FGGY: variants seen among roughly 807,000 people sequenced by gnomAD.
FGGY encodes the protein FGGY carbohydrate kinase domain containing.
A neutral mutation model predicts 71.3 loss-of-function variants in FGGY; 72 were observed. The ratio of observed to expected loss-of-function variants is 1.01; its 90% CI spans 0.84 to 1.23. FGGY has a LOEUF of 1.23. Among genes scored for constraint, FGGY ranks in the 50% most tolerant of loss-of-function variants. The pLI is 0.00. For missense variants in FGGY, 668 were observed against 682.3 expected (o/e 0.98, Z 0.23); for synonymous variants, 251 against 250.3 (o/e 1.00, Z -0.02).
intron 6 of FGGY, among the ~76,000 whole-genome samples, chr1:59,503,294 G>A (rs1363493384): frequency 2.0e-5 from 3 of 152,158 alleles, no homozygotes; most frequent in South Asian, 4.1e-4. Context: ...GAAGAGCAGT[G>A]ACTAAAAGCT....
At chr1:59,667,458 A>G (rs979156670) in intron 13 of FGGY, 55 bp downstream of exon 13, 3 of 1,600,276 alleles carry the variant, frequency 1.9e-6, no homozygotes, top group African/African-American at 1.3e-5. Context: ...GCAAATGGGC[A>G]TGGCCAAGTT....
intron 6 of FGGY, among the ~76,000 whole-genome samples, chr1:59,507,921 C>T (rs1313892599): frequency 6.6e-6 from 1 of 152,130 alleles, no homozygotes; most frequent in Non-Finnish European, 1.5e-5. Context: ...GCCTGAAGCC[C>T]TCCGCTGCCT....
In FGGY at chr1:59,762,641, T is replaced by C. The variant is rs1574138697; in HGVS notation, c.*57T>C. On this transcript the variant is annotated 3_prime_UTR_variant, in exon 16 of 16. Coordinates refer to ENST00000303721, the MANE Select transcript of FGGY (RefSeq NM_018291.5). ...TCTGTGCCATTGCATTAAAGACTTGTCATTTGATCCATGTTCAAGACCCTT... is the reference window on the plus strand; with the variant it reads ...TCTGTGCCATTGCATTAAAGACTTGCCATTTGATCCATGTTCAAGACCCTT... 10 of 1,306,368 alleles carry C rather than the reference T, an allele frequency of 7.7e-6. No homozygotes were observed. The East Asian group carries it at 2.4e-4, about 31-fold the overall frequency. The allele number at this position is 1,306,368 out of a possible 1,614,324, so 80.9% of individuals were successfully genotyped here.
In FGGY at chr1:59,669,540, C is replaced by CTTTTTTTTTTTTTTTTTTTTTTTT. The variant is rs58004594; in HGVS notation, c.1417+2139_1417+2162dup. Among the ~76,000 whole-genome samples, 7 of 102,498 alleles carry CTTTTTTTTTTTTTTTTTTTTTTTT rather than the reference C, an allele frequency of 6.8e-5. 1 individual carries two copies. The highest frequency in any genetic ancestry group is 1.1e-4 in the African/African-American group (3 of 26,288). The allele number at this position is 102,498 out of a possible 152,430, so 67.2% of individuals were successfully genotyped here. Reference sequence around the variant, plus strand: ...CTGTGACATTCCAATTTCTAGACTTCTTTTTTTTTTTTTTTTTTTTTTTTT... The same window carrying CTTTTTTTTTTTTTTTTTTTTTTTT: ...CTGTGACATTCCAATTTCTAGACTTCTTTTTTTTTTTTTTTTTTTTTTTTTTTTTTTTTTTTTTTTTTTTTTTTT... On this transcript the variant is annotated intron_variant, in intron 13 of 15. Coordinates refer to ENST00000303721, the MANE Select transcript of FGGY (RefSeq NM_018291.5).
At chr1:59,551,006 G>C (rs1379872110) in intron 7 of FGGY, among the ~76,000 whole-genome samples, 1 of 152,160 alleles carries the variant, frequency 6.6e-6, no homozygotes. Context: ...AAGGAGCTCA[G>C]CACAGTACCC....
intron 6 of FGGY, among the ~76,000 whole-genome samples, chr1:59,476,563 A>T (rs1312707282): frequency 1.3e-5 from 2 of 152,254 alleles, no homozygotes; most frequent in African/African-American, 4.8e-5. Flanking sequence ...GTGATGCCTG[A>T]AGTCACATGT....
intron 9 of FGGY, among the ~76,000 whole-genome samples, chr1:59,617,805 T>C (rs1344330699): frequency 6.6e-6 from 1 of 152,058 alleles, no homozygotes; most frequent in Admixed American, 6.6e-5. Context: ...TGGCATTGAC[T>C]TTCTGGAACA....
At chr1:59,381,223 C>T (rs1020861339) in intron 5 of FGGY, among the ~76,000 whole-genome samples, 3 of 152,054 alleles carry the variant, frequency 2.0e-5, no homozygotes, top group African/African-American at 7.2e-5. Flanking sequence ...AGTCAGGTAA[C>T]GTGATGCCTC....
At chr1:59,640,020 T>C (rs1399580445) in intron 11 of FGGY, among the ~76,000 whole-genome samples, 1 of 152,212 alleles carries the variant, frequency 6.6e-6, no homozygotes, top group Non-Finnish European at 1.5e-5. Flanking sequence ...AGAATAAGTA[T>C]GTATGCACCA....
At chr1:59,530,097 A>G (rs182532739) in intron 7 of FGGY, among the ~76,000 whole-genome samples, 4 of 152,158 alleles carry the variant, frequency 2.6e-5, no homozygotes, top group Admixed American at 6.5e-5. Flanking sequence ...ATTTAAATCT[A>G]TTGTCTTAGA....
At chr1:59,594,243 A>G (rs1459202775) in intron 8 of FGGY, among the ~76,000 whole-genome samples, 3 of 152,216 alleles carry the variant, frequency 2.0e-5, no homozygotes, top group Non-Finnish European at 2.9e-5. Flanking sequence ...TAACCATACT[A>G]GTCTGGACTC....
At chr1:59,319,205 A>G (rs1365347525) in intron 1 of FGGY, among the ~76,000 whole-genome samples, 1 of 152,218 alleles carries the variant, frequency 6.6e-6, no homozygotes, top group Non-Finnish European at 1.5e-5. Flanking sequence ...GTTTTAGAGA[A>G]GCTAAATATG....
intron 6 of FGGY, among the ~76,000 whole-genome samples, chr1:59,498,506 C>T (rs529317517): frequency 6.6e-6 from 1 of 152,238 alleles, no homozygotes; most frequent in African/African-American, 2.4e-5. Context: ...TTTTCAGAAG[C>T]TCCCTAGGTG....
intron 14 of FGGY, among the ~76,000 whole-genome samples, chr1:59,738,322 C>T (rs577395019): frequency 6.6e-6 from 1 of 152,322 alleles, no homozygotes; most frequent in Admixed American, 6.5e-5. Context: ...CAGCAAAGCC[C>T]TCTCATTCTT....
chr1:59,515,128 C>T (rs1476493711), intron 7 of FGGY, among the ~76,000 whole-genome samples: 5 of 152,018 alleles, frequency 3.3e-5, no homozygotes, highest in African/African-American at 4.8e-5. Context: ...ACAGAGGCAG[C>T]GCTGCCCAAG....
chr1:59,674,875 A>G (rs1427684383), intron 14 of FGGY, among the ~76,000 whole-genome samples: 2 of 152,206 alleles, frequency 1.3e-5, no homozygotes, highest in African/African-American at 4.8e-5. Flanking sequence ...AAGAGCATAC[A>G]GGCTCTGGCA....
At chr1:59,609,438 A>C (rs558348555) in intron 9 of FGGY, among the ~76,000 whole-genome samples, 6 of 152,340 alleles carry the variant, frequency 3.9e-5, no homozygotes, top group Middle Eastern at 6.8e-3. Context: ...CAGGGAGACT[A>C]GTTTTAGTAG....
intron 4 of FGGY, among the ~76,000 whole-genome samples, chr1:59,375,306 A>G (rs964668147): frequency 2.6e-5 from 4 of 151,520 alleles, no homozygotes; most frequent in African/African-American, 7.2e-5. Context: ...AAAAAACTGC[A>G]TGGGATCCTC....
At chr1:59,382,052 A>G (rs943742953) in intron 5 of FGGY, among the ~76,000 whole-genome samples, 3 of 152,182 alleles carry the variant, frequency 2.0e-5, no homozygotes, top group Non-Finnish European at 4.4e-5. Flanking sequence ...CTCATCTTGA[A>G]AAAGATTTAG....
Sources: allele counts gnomAD v4.1 joint callset (sites outside exome capture counted in the v4.1 genomes callset), GRCh38; gene constraint gnomAD v4.1.1; transcripts MANE v1.5; gene names NCBI Gene and HGNC (gene_info 2026-07-23, HGNC 2026-07-21).